The following ESPL1 variants were observed in gnomAD, a reference collection of about 807,000 sequenced individuals.
ESPL1 encodes separin.
ESPL1 carries 50 observed loss-of-function variants against 217.2 expected under a neutral mutation model. The observed-to-expected ratio is 0.23, with a 90% CI of 0.18 to 0.29. ESPL1 has a LOEUF of 0.29. ESPL1 is among the 10% of genes least tolerant of loss of function. The pLI is 1.00. For synonymous variants in ESPL1, 994 were observed against 1,081.3 expected (o/e 0.92, Z 1.58); for missense variants, 1,834 against 2,603.0 (o/e 0.70, Z 6.43).
intron 7 of ESPL1, among the ~76,000 whole-genome samples, chr12:53,275,995 T>C (rs904611529): frequency 8.5e-5 from 13 of 152,324 alleles, no homozygotes; most frequent in African/African-American, 3.1e-4. Context: ...GAATCTACTT[T>C]GTAAAGATCT....
chr12:53,270,887 A>G, intron 5 of ESPL1, 89 bp downstream of exon 5: 1 of 1,429,000 alleles, frequency 7.0e-7, no homozygotes, highest in Non-Finnish European at 9.6e-7. Flanking sequence ...GGTTCTGACC[A>G]CTGTGAGGGT....
At position 53,288,098 on chromosome 12, in the gene ESPL1, A is replaced by T; in HGVS notation, c.4303A>T (p.Lys1435Ter). Reference sequence around the variant, plus strand: ...GCGAGCAAGGAAGGGCCTGAGCCTAAAGACGGATGCCGTGGTTGCCCCAGG... The same window carrying T: ...GCGAGCAAGGAAGGGCCTGAGCCTATAGACGGATGCCGTGGTTGCCCCAGG... ...RGRARKGLSLKTDAVVAPGSA... is the reference protein window; with the variant it reads ...RGRARKGLSL The change falls in exon 19 of 31, where the codon AAG becomes TAG. Residue 1435 changes from lysine (K) to a stop codon, truncating the protein, a stop_gained. Transcript: ENST00000257934. LOFTEE classifies it high-confidence loss of function. 2 of 1,613,672 alleles carry T rather than the reference A, an allele frequency of 1.2e-6. No homozygotes were observed. The highest frequency in any genetic ancestry group is 2.2e-5 in the South Asian group (2 of 91,056).
At position 53,286,073 on chromosome 12, in the gene ESPL1, G is replaced by C. The variant is rs1943942209; in HGVS notation, c.3337G>C (p.Ala1113Pro). 24 of 1,611,298 alleles carry C rather than the reference G, an allele frequency of 1.5e-5. No homozygotes were observed. Among genetic ancestry groups the C allele is most frequent in the Non-Finnish European group, 2.0e-5 (24 of 1,177,584 alleles). ...GPALELVATVAKEPGPIAPST... is the reference protein window; with the variant it reads ...GPALELVATVPKEPGPIAPST... Reference sequence around the variant, plus strand: ...TGCTCTAGAGCTGGTGGCCACTGTGGCCAAGGAGCCTGGCCCCATAGCACC... The same window carrying C: ...TGCTCTAGAGCTGGTGGCCACTGTGCCCAAGGAGCCTGGCCCCATAGCACC... Residue 1113 changes from alanine (A) to proline (P), a missense_variant, in exon 18 of 31, where the codon GCC becomes CCC. Around this residue, in one of 5 missense-constraint regions of ESPL1, gnomAD observed 681 missense variants for 808.0 expected, o/e 0.84. Coordinates refer to ENST00000257934, the MANE Select transcript of ESPL1 (RefSeq NM_012291.5). The surrounding 1 kb of genome is among the most constrained non-coding windows in gnomAD (Gnocchi z 5.3).
intron 4 of ESPL1, 62 bp from the exon 5 acceptor site, chr12:53,270,616 C>T (rs1056565680): frequency 3.6e-5 from 58 of 1,609,522 alleles, no homozygotes; most frequent in South Asian, 1.8e-4. Flanking sequence ...GTGTGGAGTG[C>T]GGTGGAGGTC....
In ESPL1 at chr12:53,292,328, C is replaced by T. The variant is rs560417754; in HGVS notation, c.5847C>T (p.Phe1949=). ...AAGGGGTGGATCCACGAAGTACCTT[C>T]TATGTCCTGAACCCTCACAATAACC... ...LSQGVDPRST[F]YVLNPHNNLS... Residue 1949 remains phenylalanine, a synonymous_variant, in exon 28 of 31, where the codon TTC becomes TTT. Transcript: ENST00000257934. This position sits in a 1 kb window ranked among gnomAD's most constrained non-coding sequence, Gnocchi z 4.5. The T allele has an allele frequency of 6.8e-6, 11 of 1,614,078 alleles. No homozygotes were observed. The African/African-American group carries it at 1.2e-4, about 18-fold the overall frequency.
Position 53,277,257 on chromosome 12 carries a change from A to T in ESPL1, c.2085+30A>T, listed in dbSNP as rs769380909. ...GTGTGGCTGCTGTGGGGCTCACCAG[A>T]ACTGGGTGTAGGAATTACTGTCCCT... On this transcript the variant is annotated intron_variant, in intron 9 of 30. Transcript: ENST00000257934. 17 of 1,594,636 alleles carry T rather than the reference A, an allele frequency of 1.1e-5. No individual in the cohort carries two copies. In the African/African-American group the frequency reaches 2.1e-4, roughly 20 times the overall value.
intron 20 of ESPL1, 86 bp downstream of exon 20, chr12:53,288,785 C>A: frequency 7.6e-7 from 1 of 1,317,694 alleles, no homozygotes; most frequent in South Asian, 1.4e-5. Flanking sequence ...AGGCTGGGTT[C>A]GGATCTGGAT....
intron 15 of ESPL1, 39 bp downstream of exon 15, chr12:53,283,296 A>C: frequency 6.2e-7 from 1 of 1,613,542 alleles, no homozygotes; most frequent in African/African-American, 1.3e-5. Context: ...CTTGGAATGG[A>C]CAGGCTATGT....
At chr12:53,268,540 C>G in intron 1 of ESPL1, 163 bp downstream of exon 1, 1 of 540,064 alleles carries the variant, frequency 1.9e-6, no homozygotes, top group Admixed American at 3.3e-5. Context: ...TGGGGTAGCG[C>G]GGCGAGTGGT....
intron 6 of ESPL1, 65 bp from the exon 7 acceptor site, chr12:53,274,752 T>TC (rs976819995): frequency 4.4e-6 from 6 of 1,360,478 alleles, no homozygotes; most frequent in African/African-American, 2.9e-5. Flanking sequence ...TGCATGCATA[T>TC]CCCCTTCCAC....
Position 53,276,824 on chromosome 12 carries a change from G to T in ESPL1, c.1905G>T (p.Val635=). The change falls in exon 8 of 31, where the codon GTG becomes GTT. Residue 635 remains valine, a synonymous_variant. Coordinates refer to ENST00000257934, the MANE Select transcript of ESPL1 (RefSeq NM_012291.5). The part of the protein sequence containing the change: ...RATHLVELAQ[V]LCYHDFTQQT... ...CCCACCTGGTAGAACTGGCTCAGGTGCTCTGCTACCACGACTTTACGCAGC... is the reference window on the plus strand; with the variant it reads ...CCCACCTGGTAGAACTGGCTCAGGTTCTCTGCTACCACGACTTTACGCAGC... 1 of 1,613,906 alleles carries T rather than the reference G, an allele frequency of 6.2e-7. No individual in the cohort carries two copies. The highest frequency in any genetic ancestry group is 8.5e-7 in the Non-Finnish European group (1 of 1,180,028).
chr12:53,285,269 T>TAG (rs1322326792), intron 17 of ESPL1, among the ~76,000 whole-genome samples: 1 of 152,146 alleles, frequency 6.6e-6, no homozygotes, highest in Non-Finnish European at 1.5e-5. Context: ...AGTGGGAGCA[T>TAG]AGATTATTTT....
intron 13 of ESPL1, among the ~76,000 whole-genome samples, 180 bp downstream of exon 13, chr12:53,281,806 G>T (rs1391189970): frequency 6.6e-6 from 1 of 152,080 alleles, no homozygotes; most frequent in African/African-American, 2.4e-5. Context: ...GTCCTCCTCT[G>T]GTAGAGATAC....
chr12:53,276,473 G>A, intron 7 of ESPL1, 147 bp from the exon 8 acceptor site: 3 of 875,320 alleles, frequency 3.4e-6, no homozygotes, highest in Non-Finnish European at 5.1e-6. Context: ...TTAAACAGAG[G>A]AGCAATGCAA....
chr12:53,270,774 C>G lies in ESPL1; in HGVS notation c.1345C>G (p.Leu449Val). ...CTTAGAGGGCCTGTCGGGCCAAGAG[C>G]TGACGGACCACATGGGGATGACCGG... ...EALEGLSGQE[L>V]TDHMGMTASY... Residue 449 changes from leucine (L) to valine (V), a missense_variant, in exon 5 of 31, where the codon CTG becomes GTG. This residue lies in a region of ESPL1 where 746 missense variants were observed against 1,077.0 expected (regional missense o/e 0.69). Coordinates refer to ENST00000257934, the MANE Select transcript of ESPL1 (RefSeq NM_012291.5). 6.2e-7 allele frequency: 1 copy of G among 1,614,214 alleles called. No homozygotes were observed. Among genetic ancestry groups the G allele is most frequent in the African/African-American group, 1.3e-5 (1 of 75,064 alleles).
Position 53,282,033 on chromosome 12 carries a change from C to T in ESPL1, c.2620-231C>T, listed in dbSNP as rs529803317. ...TACGTTTTTATCATTCCTAAATTGG[C>T]GGACAAGTCACTGGTGAGGGCAAAG... On this transcript the variant is annotated intron_variant, in intron 13 of 30. Coordinates refer to ENST00000257934, the MANE Select transcript of ESPL1 (RefSeq NM_012291.5). This position sits in a 1 kb window ranked among gnomAD's most constrained non-coding sequence, Gnocchi z 4.0. 2.9e-4 allele frequency among the ~76,000 whole-genome samples: 44 copies of T among 152,182 alleles called. No homozygotes were observed. Among genetic ancestry groups the T allele is most frequent in the South Asian group, 1.2e-3 (6 of 4,822 alleles).
Position 53,292,679 on chromosome 12 carries a change from G to A in ESPL1, c.5996+22G>A. 1 of 1,607,326 alleles carries A rather than the reference G, an allele frequency of 6.2e-7. No homozygotes were observed. Among genetic ancestry groups the A allele is most frequent in the South Asian group, 1.1e-5 (1 of 90,974 alleles). ...ATATGTGAGTGCTTAAGGCAGGGATGTGGGGAGAGGGGCAGTCCTGAGGAT... is the reference window on the plus strand; with the variant it reads ...ATATGTGAGTGCTTAAGGCAGGGATATGGGGAGAGGGGCAGTCCTGAGGAT... On this transcript the variant is annotated intron_variant, in intron 29 of 30. Transcript: ENST00000257934. This position sits in a 1 kb window ranked among gnomAD's most constrained non-coding sequence, Gnocchi z 4.5.
At chr12:53,279,634 T>A in intron 11 of ESPL1, 98 bp from the exon 12 acceptor site, 1 of 1,489,764 alleles carries the variant, frequency 6.7e-7, no homozygotes, top group Non-Finnish European at 9.2e-7. Flanking sequence ...GGCCCTGAGG[T>A]CAAACTACAG....
At chr12:53,288,962 GC>G in intron 20 of ESPL1, 127 bp from the exon 21 acceptor site, 1 of 805,978 alleles carries the variant, frequency 1.2e-6, no homozygotes, top group Non-Finnish European at 2.1e-6. Context: ...TTGGCACATT[GC>G]CCTTCATAAA....
Sources: gnomAD v4.1 joint callset for allele counts (sites outside exome capture counted in the v4.1 genomes callset) on GRCh38, gnomAD v4.1.1 for gene constraint, gnomAD v4.1.1 regional missense constraint, Gnocchi (gnomAD v3.1) non-coding constraint, MANE v1.5 for transcripts, NCBI Gene and HGNC (gene_info 2026-07-23, HGNC 2026-07-21) for gene names.